Variants in MAPKAP1 observed in about 807,000 individuals in gnomAD.
MAPKAP1 encodes the protein target of rapamycin complex 2 subunit MAPKAP1.
MAPKAP1 carries 20 observed loss-of-function variants against 65.7 expected under a neutral mutation model. The observed-to-expected ratio is 0.30, with a 90% confidence interval of 0.21 to 0.44. The LOEUF (loss-of-function observed/expected upper bound fraction) is 0.44, where lower values mean the gene tolerates loss of function less well. Ranked by LOEUF, MAPKAP1 falls within the 20% of genes least tolerant of loss-of-function variation. The probability of loss-of-function intolerance (pLI) is 1.00; values close to 1 mark genes in which losing one functional copy is unlikely to be tolerated. For synonymous variants in MAPKAP1, 222 were observed against 244.3 expected, an observed-to-expected ratio of 0.91 and a Z score of 0.85; for missense variants, 423 against 648.0, an observed-to-expected ratio of 0.65 and a Z score of 3.77.
intron 8 of MAPKAP1, among the ~76,000 whole-genome samples, chr9:125,503,846 A>G (rs1443279559): frequency 1.5e-5 from 2 of 131,472 alleles, no homozygotes; most frequent in Non-Finnish European, 3.1e-5. Flanking sequence ...CCTCCCGAGT[A>G]GCTGGGATTA....
At chr9:125,452,122 C>A (rs1204002428) in intron 10 of MAPKAP1, among the ~76,000 whole-genome samples, 1 of 151,384 alleles carries the variant, frequency 6.6e-6, no homozygotes, top group Non-Finnish European at 1.5e-5. Context: ...TTTTTTGAGA[C>A]AGAGTCTTCC....
intron 6 of MAPKAP1, among the ~76,000 whole-genome samples, chr9:125,551,839 G>A (rs1830594083): frequency 6.6e-6 from 1 of 152,070 alleles, no homozygotes; most frequent in Admixed American, 6.5e-5. Context: ...AGAAGGAGAC[G>A]AACAAGGCAG....
chr9:125,580,458 T>C (rs1036713096), intron 5 of MAPKAP1, among the ~76,000 whole-genome samples: 1 of 145,860 alleles, frequency 6.9e-6, no homozygotes, highest in Non-Finnish European at 1.5e-5. Context: ...ACACCGCAAG[T>C]TCTCACTTAT....
chr9:125,506,975 T>G (rs1379640586), intron 7 of MAPKAP1, among the ~76,000 whole-genome samples: 4 of 152,336 alleles, frequency 2.6e-5, no homozygotes, highest in Admixed American at 2.6e-4. Flanking sequence ...AAAGCTCAGA[T>G]GACCTGGCAT....
intron 5 of MAPKAP1, among the ~76,000 whole-genome samples, chr9:125,579,860 C>A (rs1003986883): frequency 2.0e-5 from 3 of 152,148 alleles, no homozygotes; most frequent in African/African-American, 7.2e-5. Context: ...AGAAATCCAA[C>A]GTCACTAAGA....
intron 8 of MAPKAP1, among the ~76,000 whole-genome samples, chr9:125,489,843 A>G (rs1854635508): frequency 6.6e-6 from 1 of 152,164 alleles, no homozygotes. Context: ...ATGGAATATA[A>G]GAGTACAGAG....
chr9:125,657,703 C>A lies in MAPKAP1; in HGVS notation c.446G>T (p.Cys149Phe). The change falls in exon 4 of 12, where the codon TGC (cysteine) becomes TTC (phenylalanine). Residue 149 changes from cysteine to phenylalanine, a missense_variant. Cys to Phe is a radical substitution (Grantham distance 205). Coordinates refer to ENST00000265960, the MANE Select transcript of MAPKAP1 (RefSeq NM_001006617.3). ...QSILSVRLEQ[C>F]PLQLNNPFNE... is the part of the protein sequence containing the mutation. ...AAAAGGGTTATTCAGCTGCAGAGGG[C>A]ACTGTTCTAGGCGTACAGATAATAT... 6.2e-7 allele frequency: 1 copy of A among 1,613,698 alleles called. No individual in the cohort carries two copies. Among genetic ancestry groups the A allele is most frequent in the East Asian group, 2.2e-5 (1 of 44,874 alleles).
chr9:125,641,847 C>T (rs1263121669), intron 4 of MAPKAP1, among the ~76,000 whole-genome samples: 1 of 152,140 alleles, frequency 6.6e-6, no homozygotes, highest in African/African-American at 2.4e-5. Flanking sequence ...GCCTCACCAA[C>T]ATGGTGAAAC....
At chr9:125,617,439 C>T (rs2131642447) in intron 4 of MAPKAP1, among the ~76,000 whole-genome samples, 1 of 152,258 alleles carries the variant, frequency 6.6e-6, no homozygotes, top group Admixed American at 6.5e-5. Context: ...CCAGCCTGGG[C>T]AACAGAGACC....
chr9:125,653,323 G>T (rs888256239), intron 4 of MAPKAP1, among the ~76,000 whole-genome samples: 1 of 152,258 alleles, frequency 6.6e-6, no homozygotes, highest in South Asian at 2.1e-4. Flanking sequence ...AGAAACTGTC[G>T]GTTAAATCTG....
intron 1 of MAPKAP1, among the ~76,000 whole-genome samples, chr9:125,689,002 A>G (rs1037472313): frequency 3.9e-5 from 6 of 152,200 alleles, no homozygotes; most frequent in African/African-American, 1.4e-4. Context: ...GGGTATACAG[A>G]GACTTATCAG....
chr9:125,506,479 A>G, intron 7 of MAPKAP1, 62 bp from the exon 8 acceptor site: 1 of 1,309,090 alleles, frequency 7.6e-7, no homozygotes, highest in Non-Finnish European at 1.1e-6. Context: ...TAACATTTAA[A>G]AAACACCACA....
rs117482657 is a variant in MAPKAP1, at chr9:125,613,729, C to T, written c.499-28002G>A. Among the ~76,000 whole-genome samples the T allele has an allele frequency of 2.9e-3, 437 of 152,210 alleles. 14 individuals are homozygous for T. The East Asian group carries it at 0.066, about 23-fold the overall frequency. The stretch of plus-strand genomic sequence containing the variant: ...ATAGTTTACTTTTATTAGCAGGTTC[C>T]GCCAAACATTCAAAGAACAGATAAT... On this transcript the variant is annotated intron_variant, in intron 4 of 11. Coordinates refer to ENST00000265960, the MANE Select transcript of MAPKAP1 (RefSeq NM_001006617.3).
intron 4 of MAPKAP1, among the ~76,000 whole-genome samples, chr9:125,651,402 T>G (rs1588039164): frequency 6.6e-6 from 1 of 151,862 alleles, no homozygotes; most frequent in East Asian, 1.9e-4. Flanking sequence ...GTCAGGAGTT[T>G]GAGACGAGCC....
chr9:125,676,656 T>G (rs1443967447), intron 1 of MAPKAP1, among the ~76,000 whole-genome samples: 1 of 152,166 alleles, frequency 6.6e-6, no homozygotes, highest in Non-Finnish European at 1.5e-5. Context: ...ACATTTCAGT[T>G]TGGGAAGATG....
At chr9:125,627,445 G>C (rs1038799973) in intron 4 of MAPKAP1, among the ~76,000 whole-genome samples, 1 of 152,114 alleles carries the variant, frequency 6.6e-6, no homozygotes, top group Admixed American at 6.5e-5. Flanking sequence ...CATATAAAGT[G>C]AAGACCCTCT....
intron 1 of MAPKAP1, among the ~76,000 whole-genome samples, chr9:125,678,647 T>C (rs1476013027): frequency 1.3e-5 from 2 of 152,212 alleles, no homozygotes; most frequent in Non-Finnish European, 2.9e-5. Flanking sequence ...TGGTTTCAGA[T>C]GCACTTTGGA....
Position 125,665,892 on chromosome 9 carries a change from T to C in MAPKAP1, c.349+3926A>G, listed in dbSNP as rs909887786. The stretch of plus-strand genomic sequence containing the variant: ...CTACATTGTTGTTTTGCATTATTAT[T>C]TAACTTCATGCATAAGAAGCCTTAT... On this transcript the variant is annotated intron_variant, in intron 3 of 11. Coordinates refer to ENST00000265960, the MANE Select transcript of MAPKAP1 (RefSeq NM_001006617.3). Among the ~76,000 whole-genome samples, 4 of 152,232 alleles carry C rather than the reference T, an allele frequency of 2.6e-5. No homozygotes were observed. The East Asian group carries it at 7.7e-4, about 29-fold the overall frequency.
At chr9:125,706,153 A>T (rs1835751552) in intron 1 of MAPKAP1, among the ~76,000 whole-genome samples, 1 of 152,124 alleles carries the variant, frequency 6.6e-6, no homozygotes, top group African/African-American at 2.4e-5. Flanking sequence ...GGGCTCATAA[A>T]ATATAAGGAA....
Sources: allele counts gnomAD v4.1 joint callset (sites outside exome capture counted in the v4.1 genomes callset), GRCh38; gene constraint gnomAD v4.1.1; transcripts MANE v1.5; gene names NCBI Gene and HGNC (gene_info 2026-07-23, HGNC 2026-07-21).